Variants in MEGF10 observed in about 807,000 individuals in gnomAD.
The protein encoded by MEGF10 is multiple EGF like domains 10.
In MEGF10, 86 loss-of-function variants were observed where a neutral mutation model predicts 147.5. That is an observed-to-expected ratio of 0.58 (90% confidence interval 0.49 to 0.70). The LOEUF (loss-of-function observed/expected upper bound fraction) is 0.70. Among genes scored for constraint, MEGF10 ranks in the 30% least tolerant of loss-of-function variants. The pLI is 0.00. For synonymous variants in MEGF10, 478 were observed against 525.5 expected (o/e 0.91, Z 1.24); for missense variants, 1,329 against 1,487.3 (o/e 0.89, Z 1.75).
chr5:127,454,757 A>ATGTT, intron 23 of MEGF10, 147 bp downstream of exon 23: 3 of 655,298 alleles, frequency 4.6e-6, no homozygotes, highest in Non-Finnish European at 7.5e-6. Flanking sequence ...ACACACAAAC[A>ATGTT]TGTGTGACTG....
chr5:127,347,033 G>A (rs185622251), intron 4 of MEGF10, among the ~76,000 whole-genome samples: 33 of 152,050 alleles, frequency 2.2e-4, no homozygotes, highest in Admixed American at 1.9e-3. Flanking sequence ...CCTATGACAG[G>A]AGCTCAGGAA....
the MEGF10 span, among the ~76,000 whole-genome samples, chr5:127,283,830 T>G: frequency 1.3e-5 from 2 of 152,212 alleles, no homozygotes; most frequent in Admixed American, 1.3e-4. Context: ...ATTATATACT[T>G]ACAAAGATAA....
chr5:127,319,989 A>AT (rs1760727807), intron 1 of MEGF10, among the ~76,000 whole-genome samples: 1 of 152,234 alleles, frequency 6.6e-6, no homozygotes, highest in Non-Finnish European at 1.5e-5. Flanking sequence ...TCCAGACCAC[A>AT]GCATCATCAT....
chr5:127,319,959 T>C (rs1030442371), intron 1 of MEGF10, among the ~76,000 whole-genome samples: 4 of 152,234 alleles, frequency 2.6e-5, no homozygotes, highest in African/African-American at 9.6e-5. Context: ...CTTTGTGACC[T>C]TGGGCATACT....
intron 1 of MEGF10, among the ~76,000 whole-genome samples, chr5:127,325,904 TA>T (rs1307041331): frequency 0.065 from 6,986 of 108,042 alleles, 308 homozygotes; most frequent in Non-Finnish European, 0.074. Flanking sequence ...TATATATATA[TA>T]TATATTTTTT....
intron 4 of MEGF10, among the ~76,000 whole-genome samples, chr5:127,363,704 A>G (rs373857794): frequency 1.4e-4 from 21 of 152,300 alleles, no homozygotes; most frequent in African/African-American, 5.1e-4. Context: ...AGCTCTTTGT[A>G]CTTGCCCTTA....
Position 127,433,477 on chromosome 5 carries a change from C to T in MEGF10, c.1808C>T (p.Ala603Val). Residue 603 changes from alanine to valine, a missense_variant, in exon 14 of 25, where the codon GCA (alanine) becomes GTA (valine). Ala to Val is a moderately conservative substitution (Grantham distance 64). This residue lies in a region of MEGF10 where 980 missense variants were observed against 1,085.9 expected (regional missense o/e 0.90). Transcript: ENST00000503335. ...CSPDDGICEC[A>V]PGFRGTTCQR... ...CCTGATGATGGCATCTGCGAGTGTG[C>T]ACCAGGCTTCCGAGGCACCACTTGT... is the stretch of plus-strand genomic sequence containing the variant. 1 of 1,611,820 alleles carries T rather than the reference C, an allele frequency of 6.2e-7. No homozygotes were observed. Among genetic ancestry groups the T allele is most frequent in the Non-Finnish European group, 8.5e-7 (1 of 1,178,936 alleles).
chr5:127,438,627 T>G (rs1269380254), intron 17 of MEGF10, 60 bp downstream of exon 17: 22 of 1,584,484 alleles, frequency 1.4e-5, no homozygotes, highest in Non-Finnish European at 1.9e-5. Flanking sequence ...GGAAACAGCC[T>G]TACCCTCCGC....
chr5:127,233,553 A>G, the MEGF10 span, among the ~76,000 whole-genome samples: 2 of 152,210 alleles, frequency 1.3e-5, no homozygotes, highest in African/African-American at 4.8e-5. Context: ...GCACAAATTA[A>G]TAGTTCAATA....
intron 22 of MEGF10, among the ~76,000 whole-genome samples, chr5:127,450,051 A>T (rs1443850043): frequency 6.6e-6 from 1 of 152,182 alleles, no homozygotes; most frequent in African/African-American, 2.4e-5. Flanking sequence ...ACATTTTTAT[A>T]AAAAAATCTC....
intron 5 of MEGF10, among the ~76,000 whole-genome samples, chr5:127,377,781 G>C (rs568663455): frequency 1.6e-3 from 243 of 152,342 alleles, no homozygotes; most frequent in African/African-American, 5.6e-3. Flanking sequence ...GATGCTGTCT[G>C]CGGAGAGTAG....
At chr5:127,310,432 G>A (rs1241646944) in intron 1 of MEGF10, among the ~76,000 whole-genome samples, 1 of 151,858 alleles carries the variant, frequency 6.6e-6, no homozygotes, top group East Asian at 1.9e-4. Flanking sequence ...CAGTTTATCT[G>A]TTTTCTCTTT....
the MEGF10 span, among the ~76,000 whole-genome samples, chr5:127,284,473 G>T: frequency 1.3e-5 from 2 of 151,956 alleles, no homozygotes; most frequent in African/African-American, 4.8e-5. Context: ...TAAGCAATCA[G>T]AAGACCAGAA....
chr5:127,229,813 G>A, the MEGF10 span: 1 of 151,806 alleles, frequency 6.6e-6, no homozygotes, highest in Non-Finnish European at 1.5e-5. Context: ...CGAGGGGAGC[G>A]AGCAGCGCAC....
intron 4 of MEGF10, among the ~76,000 whole-genome samples, chr5:127,349,506 C>A (rs1465401549): frequency 6.6e-6 from 1 of 152,086 alleles, no homozygotes; most frequent in African/African-American, 2.4e-5. Flanking sequence ...TACCCCTACC[C>A]ACCTCCAGCC....
At chr5:127,309,992 T>TC (rs1445624013) in intron 1 of MEGF10, among the ~76,000 whole-genome samples, 11 of 79,276 alleles carry the variant, frequency 1.4e-4, no homozygotes, top group African/African-American at 1.9e-4. Flanking sequence ...TTTCTTTCTT[T>TC]CTTTCCTTCC....
chr5:127,376,305 C>A (rs1229946807), intron 5 of MEGF10, among the ~76,000 whole-genome samples: 4 of 152,074 alleles, frequency 2.6e-5, no homozygotes, highest in African/African-American at 9.7e-5. Context: ...GACTCAGAAG[C>A]TGAGAAGATG....
In MEGF10 at chr5:127,460,770, T is replaced by C. The variant is rs1766532055; in HGVS notation, c.*3452T>C. ...TTATATTTTTTAAAATAATGAATTT[T>C]CTATCTCTAGGCAACATGTCTTTAT... On this transcript the variant is annotated 3_prime_UTR_variant, in exon 25 of 25. Transcript: ENST00000503335. The C allele has an allele frequency of 6.6e-6, 1 of 152,222 alleles. No homozygotes were observed. Among genetic ancestry groups the C allele is most frequent in the African/African-American group, 2.4e-5 (1 of 41,464 alleles). The allele number at this position is 152,222 out of a possible 1,614,324, so 9.4% of individuals were successfully genotyped here.
intron 2 of MEGF10, among the ~76,000 whole-genome samples, chr5:127,336,825 T>C (rs1308208139): frequency 6.6e-6 from 1 of 152,106 alleles, no homozygotes; most frequent in East Asian, 1.9e-4. Context: ...TTTTTTGTTC[T>C]TATAGCATAT....
Sources: allele counts gnomAD v4.1 joint callset (sites outside exome capture counted in the v4.1 genomes callset), GRCh38; gene constraint gnomAD v4.1.1; regional missense constraint gnomAD v4.1.1; transcripts MANE v1.5; gene names NCBI Gene and HGNC (gene_info 2026-07-23, HGNC 2026-07-21).